EAF1: variants seen among roughly 807,000 people sequenced by gnomAD.
EAF1 encodes ELL associated factor 1.
In EAF1, 19 loss-of-function variants were observed where a neutral mutation model predicts 26.6. The ratio of observed to expected loss-of-function variants is 0.71; its 90% confidence interval spans 0.50 to 1.05. The LOEUF is 1.05. Ranked by LOEUF, EAF1 falls within the 50% of genes least tolerant of loss-of-function variation. EAF1 has a pLI of 0.00. For missense variants in EAF1, 260 were observed against 335.5 expected (o/e 0.78, Z 1.76); for synonymous variants, 102 against 120.6 (o/e 0.85, Z 1.01).
Position 15,439,469 on chromosome 3 carries a change from C to T in EAF1, c.*314C>T, listed in dbSNP as rs781414122. The T allele has an allele frequency of 5.0e-5, 12 of 239,274 alleles. No individual in the cohort carries two copies. The highest frequency in any genetic ancestry group is 1.1e-4 in the Admixed American group (2 of 18,218). The allele number at this position is 239,274 out of a possible 1,614,324, so 14.8% of individuals were successfully genotyped here. Reference sequence around the variant, plus strand: ...TGCCCTGGTCTAAGTTACTCAAAGGCCATATCTTCACCAGGCCAGAGATTC... The same window carrying T: ...TGCCCTGGTCTAAGTTACTCAAAGGTCATATCTTCACCAGGCCAGAGATTC... On this transcript the variant is annotated 3_prime_UTR_variant, in exon 6 of 6. Transcript: ENST00000396842.
intron 5 of EAF1, among the ~76,000 whole-genome samples, chr3:15,437,208 TATA>T (rs1166467552): frequency 6.6e-6 from 1 of 151,174 alleles, no homozygotes; most frequent in South Asian, 2.1e-4. Flanking sequence ...CTTGAACTTT[TATA>T]AAAAAGAATC....
intron 5 of EAF1, 67 bp from the exon 6 acceptor site, chr3:15,439,042 A>T: frequency 2.7e-6 from 4 of 1,470,814 alleles, no homozygotes; most frequent in Non-Finnish European, 2.8e-6. Flanking sequence ...AATTATGAGG[A>T]AGTCATTTTT....
intron 5 of EAF1, among the ~76,000 whole-genome samples, chr3:15,437,987 C>T (rs1016932316): frequency 6.6e-6 from 1 of 152,064 alleles, no homozygotes; most frequent in Admixed American, 6.6e-5. Context: ...CAAGACATTG[C>T]CATTATATGC....
intron 1 of EAF1, among the ~76,000 whole-genome samples, chr3:15,428,280 T>C (rs1230953733): frequency 6.7e-6 from 1 of 150,048 alleles, no homozygotes; most frequent in Non-Finnish European, 1.5e-5. Context: ...CCCATCAGGG[T>C]TCTCCACATT....
intron 2 of EAF1, among the ~76,000 whole-genome samples, chr3:15,431,634 AC>A (rs2061802620): frequency 1.3e-5 from 2 of 152,218 alleles, no homozygotes; most frequent in South Asian, 4.1e-4. Flanking sequence ...CAGATGAGTG[AC>A]ATGATTTATT....
In EAF1 at chr3:15,432,179, T is replaced by G. The variant is rs2061805703; in HGVS notation, c.291T>G (p.Tyr97Ter). The G allele has an allele frequency of 6.2e-7, 1 of 1,614,046 alleles. No homozygotes were observed. Residue 97 changes from tyrosine to a stop codon, truncating the protein, a stop_gained, in exon 3 of 6, where the codon TAT becomes TAG. Coordinates refer to ENST00000396842, the MANE Select transcript of EAF1 (RefSeq NM_033083.7). LOFTEE classifies it high-confidence loss of function. The part of the protein sequence containing the change: ...VLIINHDTGE[Y>*]VLEKLSSSIQ... ...TTATTAATCATGACACTGGTGAATA[T>G]GTGCTGGAAAAACTCAGTAGCAGCA...
rs1001301327 is a variant in EAF1, at chr3:15,440,205, G to A, written c.*1050G>A. ...AGATAGAAGTTCTGCAATATGAAATGAGCACATTCTTTGATAAGGCGTATC... is the reference window on the plus strand; with the variant it reads ...AGATAGAAGTTCTGCAATATGAAATAAGCACATTCTTTGATAAGGCGTATC... On this transcript the variant is annotated 3_prime_UTR_variant, in exon 6 of 6. Coordinates refer to ENST00000396842, the MANE Select transcript of EAF1 (RefSeq NM_033083.7). 2.0e-5 allele frequency: 3 copies of A among 152,172 alleles called. No individual in the cohort carries two copies. The highest frequency in any genetic ancestry group is 4.8e-5 in the African/African-American group (2 of 41,432). The allele number at this position is 152,172 out of a possible 1,614,324, so 9.4% of individuals were successfully genotyped here.
intron 1 of EAF1, among the ~76,000 whole-genome samples, chr3:15,428,525 C>T (rs1487382373): frequency 1.3e-5 from 2 of 152,188 alleles, no homozygotes; most frequent in African/African-American, 4.8e-5. Flanking sequence ...GGCTTTTCCT[C>T]CAGACCAAGT....
intron 4 of EAF1, 92 bp from the exon 5 acceptor site, chr3:15,436,250 G>A: frequency 2.2e-6 from 2 of 896,918 alleles, no homozygotes; most frequent in Admixed American, 3.0e-5. Context: ...TCTTATTGCT[G>A]TTGGTTTTGC....
In EAF1 at chr3:15,442,034, C is replaced by G. The variant is rs1559507569; in HGVS notation, c.*2879C>G. The G allele has an allele frequency of 6.6e-6, 1 of 152,578 alleles. No individual in the cohort carries two copies. The highest frequency in any genetic ancestry group is 6.5e-5 in the Admixed American group (1 of 15,268). 9.5% of individuals were successfully genotyped at this position (152,578 alleles called of 1,614,324 possible). A position where few individuals can be genotyped will look rare whatever the true frequency, so the allele number is the denominator to read the frequency against. On this transcript the variant is annotated 3_prime_UTR_variant, in exon 6 of 6. Coordinates refer to ENST00000396842, the MANE Select transcript of EAF1 (RefSeq NM_033083.7). ...CTTAGTAAAGTTGTGATTGAAGAAA[C>G]TTAATACAAATGAACTAGAGGTTTG...
chr3:15,434,530 T>A lies in EAF1; in HGVS notation c.518T>A (p.Ile173Asn). ...NPSPEPQLDD[I>N]KRELRAEVDI... Reference sequence around the variant, plus strand: ...TCACCTGAACCTCAGTTGGATGACATCAAAAGAGGTAGAGAACATTTTCTG... The same window carrying A: ...TCACCTGAACCTCAGTTGGATGACAACAAAAGAGGTAGAGAACATTTTCTG... Residue 173 changes from isoleucine (I) to asparagine (N), a missense_variant, in exon 4 of 6, where the codon ATC (isoleucine) becomes AAC (asparagine). By Grantham distance (149) the Ile-to-Asn change is moderately radical. Transcript: ENST00000396842. The A allele has an allele frequency of 9.3e-6, 15 of 1,614,112 alleles. No homozygotes were observed. Among genetic ancestry groups the A allele is most frequent in the Non-Finnish European group, 1.3e-5 (15 of 1,180,000 alleles).
chr3:15,438,202 G>T (rs1414623511), intron 5 of EAF1, among the ~76,000 whole-genome samples: 9 of 152,170 alleles, frequency 5.9e-5, no homozygotes, highest in African/African-American at 2.2e-4. Context: ...TATCAACTGG[G>T]GTTCTGTTAT....
rs1391249739 is a variant in EAF1, at chr3:15,432,175, A to G, written c.287A>G (p.Glu96Gly). The G allele has an allele frequency of 1.2e-6, 2 of 1,614,184 alleles. No individual in the cohort carries two copies. The highest frequency in any genetic ancestry group is 8.5e-7 in the Non-Finnish European group (1 of 1,180,020). Residue 96 changes from glutamate to glycine, a missense_variant, in exon 3 of 6, where the codon GAA (glutamate) becomes GGA (glycine). Physicochemically the swap from Glu to Gly is moderately conservative, Grantham distance 98 (BLOSUM62 -2). Transcript: ENST00000396842. ...CTTATTATTAATCATGACACTGGTG[A>G]ATATGTGCTGGAAAAACTCAGTAGC... Reference protein sequence around the residue: ...CVLIINHDTGEYVLEKLSSSI... With the variant: ...CVLIINHDTGGYVLEKLSSSI...
At position 15,439,353 on chromosome 3, in the gene EAF1, C is replaced by A; in HGVS notation, c.*198C>A. 1 of 476,352 alleles carries A rather than the reference C, an allele frequency of 2.1e-6. No individual in the cohort carries two copies. The highest frequency in any genetic ancestry group is 3.7e-6 in the Non-Finnish European group (1 of 268,994). 29.5% of individuals were successfully genotyped at this position (476,352 alleles called of 1,614,324 possible). On this transcript the variant is annotated 3_prime_UTR_variant, in exon 6 of 6. Coordinates refer to ENST00000396842, the MANE Select transcript of EAF1 (RefSeq NM_033083.7). ...TTTTCTCGTGTCATTTTTGAACAAT[C>A]TCATCTTTCAAAGTTTAAGTAGACC...
intron 2 of EAF1, among the ~76,000 whole-genome samples, chr3:15,430,252 A>G (rs766284703): frequency 1.3e-5 from 2 of 151,956 alleles, no homozygotes; most frequent in African/African-American, 2.4e-5. Flanking sequence ...TGAGTTCAGG[A>G]GTTAAAGACC....
chr3:15,439,198 C>A lies in EAF1; in HGVS notation c.*43C>A. ...CCTACTTTTTGGTGCACAAACATGC[C>A]GCAAGACTGAGCTACTTTGGCGTGG... On this transcript the variant is annotated 3_prime_UTR_variant, in exon 6 of 6. Coordinates refer to ENST00000396842, the MANE Select transcript of EAF1 (RefSeq NM_033083.7). 1.3e-6 allele frequency: 2 copies of A among 1,597,380 alleles called. No individual in the cohort carries two copies. Among genetic ancestry groups the A allele is most frequent in the Admixed American group, 1.7e-5 (1 of 58,718 alleles).
chr3:15,438,975 C>G, intron 5 of EAF1, 134 bp from the exon 6 acceptor site: 1 of 798,704 alleles, frequency 1.3e-6, no homozygotes, highest in Admixed American at 2.8e-5. Flanking sequence ...GATTTTCTTC[C>G]CTAAGTTGAA....
At chr3:15,437,120 T>G (rs1248737980) in intron 5 of EAF1, among the ~76,000 whole-genome samples, 2 of 152,148 alleles carry the variant, frequency 1.3e-5, no homozygotes, top group African/African-American at 4.8e-5. Flanking sequence ...GGTCTCCAAC[T>G]CCTGGCCTCA....
chr3:15,436,307 T>G lies in EAF1; in HGVS notation c.527-35T>G, dbSNP rs780851127. 1.5e-5 allele frequency: 23 copies of G among 1,531,844 alleles called. No individual in the cohort carries two copies. In the African/African-American group the frequency reaches 2.0e-4, roughly 14 times the overall value. 94.9% of individuals were successfully genotyped at this position (1,531,844 alleles called of 1,614,324 possible). On this transcript the variant is annotated intron_variant, in intron 4 of 5. Coordinates refer to ENST00000396842, the MANE Select transcript of EAF1 (RefSeq NM_033083.7). ...TCCAATGCACTGCCTTGAAAAGGGC[T>G]GCTGTGCTGATCCATGTCATATCCT... is the stretch of plus-strand genomic sequence containing the variant.
Sources: allele counts gnomAD v4.1 joint callset (sites outside exome capture counted in the v4.1 genomes callset), GRCh38; gene constraint gnomAD v4.1.1; transcripts MANE v1.5; gene names NCBI Gene and HGNC (gene_info 2026-07-23, HGNC 2026-07-21).